Variants in PHTF2 observed in about 807,000 individuals in gnomAD.
The protein encoded by PHTF2 is putative homeodomain transcription factor 2.
In PHTF2, 60 loss-of-function variants were observed where a neutral mutation model predicts 101.2. The observed-to-expected ratio is 0.59, with a 90% CI of 0.48 to 0.73. The LOEUF is 0.73. Among genes scored for constraint, PHTF2 ranks in the 30% least tolerant of loss-of-function variants. The probability of loss-of-function intolerance (pLI) is 0.00; values close to 1 mark genes in which losing one functional copy is unlikely to be tolerated. For missense variants in PHTF2, 747 were observed against 908.7 expected, an observed-to-expected ratio of 0.82 and a Z score of 2.29; for synonymous variants, 311 against 307.3, an observed-to-expected ratio of 1.01 and a Z score of -0.13.
chr7:77,906,779 G>A (rs1028687276), intron 7 of PHTF2, among the ~76,000 whole-genome samples: 1 of 152,044 alleles, frequency 6.6e-6, no homozygotes, highest in Non-Finnish European at 1.5e-5. Context: ...GTGGTGGCGG[G>A]CACCTGTAGT....
chr7:77,874,524 G>T (rs769347638), intron 3 of PHTF2, among the ~76,000 whole-genome samples: 1 of 152,196 alleles, frequency 6.6e-6, no homozygotes, highest in South Asian at 2.1e-4. Flanking sequence ...CTTGGAATCC[G>T]CTGTTCCAGG....
Position 77,854,835 on chromosome 7 carries a change from G to C in PHTF2, c.147+1G>C. 1 of 757,936 alleles carries C rather than the reference G, an allele frequency of 1.3e-6. No homozygotes were observed. The highest frequency in any genetic ancestry group is 2.4e-6 in the Non-Finnish European group (1 of 414,060). 47.0% of individuals were successfully genotyped at this position (757,936 alleles called of 1,614,324 possible). On this transcript the variant is annotated splice_donor_variant, in intron 3 of 19. Transcript: ENST00000416283. LOFTEE classifies it high-confidence loss of function. ...CCAAGGGCTCTTCATTCAGTGTTTG[G>C]TGAGTAATGCCAGGCCTGTTCTCTC...
chr7:77,899,169 G>A (rs984339483), intron 5 of PHTF2, among the ~76,000 whole-genome samples: 1 of 152,092 alleles, frequency 6.6e-6, no homozygotes, highest in African/African-American at 2.4e-5. Flanking sequence ...TTAGGAACAC[G>A]AGACACTGTT....
intron 12 of PHTF2, among the ~76,000 whole-genome samples, chr7:77,937,070 G>A (rs531631172): frequency 1.4e-5 from 2 of 146,370 alleles, no homozygotes; most frequent in East Asian, 3.9e-4. Flanking sequence ...TGTAATATTT[G>A]CTTTATCTGG....
chr7:77,933,657 T>G (rs1385450133), intron 12 of PHTF2, among the ~76,000 whole-genome samples: 2 of 151,788 alleles, frequency 1.3e-5, no homozygotes, highest in Non-Finnish European at 2.9e-5. Flanking sequence ...GGGAAATGCC[T>G]GTGAGCTATT....
chr7:77,849,726 C>A (rs1796586264), intron 2 of PHTF2, among the ~76,000 whole-genome samples: 2 of 152,176 alleles, frequency 1.3e-5, no homozygotes, highest in African/African-American at 4.8e-5. Flanking sequence ...ATTTCATTTG[C>A]ATGATTAAGT....
At chr7:77,806,565 A>G (rs539555365) in intron 1 of PHTF2, among the ~76,000 whole-genome samples, 2 of 152,298 alleles carry the variant, frequency 1.3e-5, no homozygotes, top group South Asian at 4.1e-4. Context: ...AGTTTCTGAC[A>G]GATACACGTA....
chr7:77,842,997 C>CT (rs1303232734), intron 2 of PHTF2, among the ~76,000 whole-genome samples: 4 of 152,192 alleles, frequency 2.6e-5, no homozygotes, highest in South Asian at 2.1e-4. Flanking sequence ...GACCCACACT[C>CT]TAAGACAGCC....
chr7:77,833,981 A>G (rs1461120054), intron 1 of PHTF2, among the ~76,000 whole-genome samples: 1 of 152,136 alleles, frequency 6.6e-6, no homozygotes. Flanking sequence ...GGTGACCTGA[A>G]AGGAAGAAGC....
intron 2 of PHTF2, among the ~76,000 whole-genome samples, chr7:77,841,961 T>A (rs1190823626): frequency 6.6e-6 from 1 of 152,188 alleles, no homozygotes; most frequent in Non-Finnish European, 1.5e-5. Flanking sequence ...ACTTTAGACT[T>A]TACTGAAGAT....
At chr7:77,848,013 A>G (rs1796444494) in intron 2 of PHTF2, among the ~76,000 whole-genome samples, 1 of 152,140 alleles carries the variant, frequency 6.6e-6, no homozygotes, top group Non-Finnish European at 1.5e-5. Context: ...CTCCAGTTCC[A>G]TTCATGTTGT....
chr7:77,927,173 A>AT (rs1804099157), intron 11 of PHTF2, among the ~76,000 whole-genome samples: 4 of 95,020 alleles, frequency 4.2e-5, no homozygotes, highest in African/African-American at 1.1e-4. Context: ...AAAAAAAAAA[A>AT]AAAAATATAT....
At chr7:77,804,372 C>T (rs1325242838) in intron 1 of PHTF2, among the ~76,000 whole-genome samples, 1 of 152,148 alleles carries the variant, frequency 6.6e-6, no homozygotes, top group Non-Finnish European at 1.5e-5. Context: ...GTTGCCCAGG[C>T]GGGAGTGCAG....
intron 3 of PHTF2, among the ~76,000 whole-genome samples, chr7:77,869,282 C>T (rs903135277): frequency 1.3e-5 from 2 of 152,258 alleles, no homozygotes; most frequent in South Asian, 2.1e-4. Context: ...GTGTTGGGAA[C>T]ATTTTAAAAC....
intron 3 of PHTF2, among the ~76,000 whole-genome samples, chr7:77,866,029 C>G (rs954536947): frequency 1.3e-5 from 2 of 151,674 alleles, no homozygotes; most frequent in African/African-American, 4.8e-5. Flanking sequence ...ACTAAAAATA[C>G]AAAAATTAGT....
chr7:77,835,873 A>G (rs1795419020), intron 1 of PHTF2, among the ~76,000 whole-genome samples: 1 of 152,146 alleles, frequency 6.6e-6, no homozygotes, highest in African/African-American at 2.4e-5. Flanking sequence ...TAATACCAGC[A>G]CTTTGGGAGG....
intron 3 of PHTF2, 33 bp from the exon 3 acceptor site, chr7:77,893,575 A>G (rs749903412): frequency 2.9e-5 from 27 of 932,308 alleles, no homozygotes; most frequent in Middle Eastern, 2.1e-4. Flanking sequence ...GGTACCAGCA[A>G]TGACCATTTA....
exon 11 of PHTF2, chr7:77,922,712 C>A: frequency 1.2e-6 from 2 of 1,609,300 alleles, no homozygotes; most frequent in Non-Finnish European, 1.7e-6. Flanking sequence ...GTCATGTGGA[C>A]AGGACTTCTG....
At chr7:77,814,487 G>A (rs976352738) in intron 1 of PHTF2, among the ~76,000 whole-genome samples, 7 of 150,562 alleles carry the variant, frequency 4.6e-5, no homozygotes, top group African/African-American at 1.7e-4. Flanking sequence ...GCACTAGGCC[G>A]CACTTCAGCA....
Sources: allele counts gnomAD v4.1 joint callset (sites outside exome capture counted in the v4.1 genomes callset), GRCh38; gene constraint gnomAD v4.1.1; transcripts MANE v1.5; gene names NCBI Gene and HGNC (gene_info 2026-07-23, HGNC 2026-07-21).